Variants in NEK1 observed in about 807,000 individuals in gnomAD.
NEK1 encodes the protein serine/threonine-protein kinase Nek1.
NEK1 carries 137 observed loss-of-function variants against 182.1 expected under a neutral mutation model. That is an observed-to-expected ratio of 0.75 (90% confidence interval 0.65 to 0.87). NEK1 has a LOEUF of 0.87. Among genes scored for constraint, NEK1 ranks in the 40% least tolerant of loss-of-function variants. The probability of loss-of-function intolerance (pLI) is 0.00; values close to 1 mark genes in which losing one functional copy is unlikely to be tolerated. For missense variants in NEK1, 1,391 were observed against 1,494.4 expected (o/e 0.93, Z 1.14); for synonymous variants, 513 against 492.2 (o/e 1.04, Z -0.56).
chr4:169,518,622 T>C (rs1298306614), intron 19 of NEK1, among the ~76,000 whole-genome samples: 17 of 104,068 alleles, frequency 1.6e-4, no homozygotes, highest in African/African-American at 1.0e-3. Flanking sequence ...GGATCTTTCC[T>C]GCTTTCTCTT....
At chr4:169,547,682 T>C (rs1760745287) in intron 18 of NEK1, among the ~76,000 whole-genome samples, 1 of 152,216 alleles carries the variant, frequency 6.6e-6, no homozygotes, top group Non-Finnish European at 1.5e-5. Flanking sequence ...CTTTTCACTT[T>C]TTTCTCTAAT....
At chr4:169,548,237 G>T (rs1202266284) in intron 18 of NEK1, among the ~76,000 whole-genome samples, 1 of 152,206 alleles carries the variant, frequency 6.6e-6, no homozygotes, top group African/African-American at 2.4e-5. Context: ...CTGCAGGTCT[G>T]CTGGAATTTG....
At chr4:169,504,048 A>G (rs10026673) in intron 23 of NEK1, among the ~76,000 whole-genome samples, 210 of 152,218 alleles carry the variant, frequency 1.4e-3, no homozygotes, top group African/African-American at 4.1e-3. Context: ...TGATAATCCA[A>G]TTTAAAATGG....
rs559897387 is a variant in NEK1, at chr4:169,594,783, G to A, written c.313-3974C>T. Among the ~76,000 whole-genome samples the A allele has an allele frequency of 1.2e-4, 18 of 152,272 alleles. No individual in the cohort carries two copies. The South Asian group carries it at 3.7e-3, about 32-fold the overall frequency. ...CTAAAAAGATGCTCAGTCTTTCCTAGGTTAAGTCTGTATAGCTAAAATACT... is the reference window on the plus strand; with the variant it reads ...CTAAAAAGATGCTCAGTCTTTCCTAAGTTAAGTCTGTATAGCTAAAATACT... On this transcript the variant is annotated intron_variant, in intron 5 of 35. Transcript: ENST00000507142.
intron 10 of NEK1, among the ~76,000 whole-genome samples, chr4:169,584,145 C>T (rs950157563): frequency 2.0e-5 from 3 of 151,936 alleles, no homozygotes; most frequent in Admixed American, 2.0e-4. Context: ...ATATAGATTG[C>T]TTCAAAAATC....
intron 23 of NEK1, among the ~76,000 whole-genome samples, chr4:169,489,923 C>T (rs756404250): frequency 2.3e-4 from 35 of 152,120 alleles, no homozygotes; most frequent in Non-Finnish European, 3.8e-4. Context: ...TGAACTTGTA[C>T]TCAAGTCACA....
At chr4:169,438,026 T>G (rs1738745174) in intron 28 of NEK1, 57 bp downstream of exon 28, 1 of 1,330,414 alleles carries the variant, frequency 7.5e-7, no homozygotes, top group Non-Finnish European at 1.0e-6. Context: ...ATAAAGCTTG[T>G]GAAATTTAAG....
At chr4:169,609,435 T>G (rs1330511588) in intron 2 of NEK1, among the ~76,000 whole-genome samples, 1 of 152,218 alleles carries the variant, frequency 6.6e-6, no homozygotes, top group African/African-American at 2.4e-5. Context: ...TAGAGCAAAA[T>G]GTAATCATTC....
intron 19 of NEK1, among the ~76,000 whole-genome samples, chr4:169,530,341 G>GTGAA (rs1359535880): frequency 3.9e-5 from 6 of 152,180 alleles, no homozygotes; most frequent in Non-Finnish European, 5.9e-5. Flanking sequence ...TTACAATGGT[G>GTGAA]TGAAAGTGAC....
At chr4:169,507,183 G>GTTTTTTT in intron 22 of NEK1, 51 bp from the exon 23 acceptor site, 5 of 583,352 alleles carry the variant, frequency 8.6e-6, no homozygotes, top group Non-Finnish European at 1.0e-5. Context: ...AAGGGCAGAG[G>GTTTTTTT]TTTTTTTTTT....
At chr4:169,529,440 G>A (rs370491127) in intron 19 of NEK1, among the ~76,000 whole-genome samples, 1 of 152,078 alleles carries the variant, frequency 6.6e-6, no homozygotes. Context: ...CTTCTTCCTG[G>A]ATCATAAATC....
intron 31 of NEK1, 118 bp downstream of exon 31, chr4:169,424,435 T>C (rs1276450865): frequency 8.4e-7 from 1 of 1,190,656 alleles, no homozygotes; most frequent in East Asian, 2.7e-5. Flanking sequence ...AGGTTTTTGT[T>C]GGATGTGTGT....
chr4:169,465,448 T>C (rs1415966968), intron 26 of NEK1, among the ~76,000 whole-genome samples: 3 of 151,978 alleles, frequency 2.0e-5, no homozygotes, highest in African/African-American at 7.2e-5. Context: ...GTTTGCAAGA[T>C]AGGAGTACTG....
intron 5 of NEK1, among the ~76,000 whole-genome samples, chr4:169,597,924 A>G (rs1164678888): frequency 6.6e-6 from 1 of 151,920 alleles, no homozygotes; most frequent in Non-Finnish European, 1.5e-5. Flanking sequence ...ACAGAGTGAG[A>G]CTCCGTCTCA....
intron 27 of NEK1, among the ~76,000 whole-genome samples, chr4:169,448,246 C>A (rs902218626): frequency 6.6e-6 from 1 of 151,880 alleles, no homozygotes. Flanking sequence ...AAAATTACAA[C>A]TTTTTGAGAG....
intron 12 of NEK1, among the ~76,000 whole-genome samples, chr4:169,570,534 T>G (rs1428757600): frequency 3.8e-5 from 5 of 131,474 alleles, no homozygotes; most frequent in Non-Finnish European, 8.1e-5. Context: ...CCGGCCAGCA[T>G]ACCCGTCCGG....
chr4:169,445,861 T>TACAC (rs1740423181), intron 27 of NEK1, among the ~76,000 whole-genome samples: 1 of 132,200 alleles, frequency 7.6e-6, no homozygotes, highest in Non-Finnish European at 1.7e-5. Flanking sequence ...TATATATATA[T>TACAC]ATATACACAC....
chr4:169,468,750 C>A (rs975138970), intron 26 of NEK1, among the ~76,000 whole-genome samples: 1 of 152,006 alleles, frequency 6.6e-6, no homozygotes, highest in African/African-American at 2.4e-5. Flanking sequence ...TGGTCCTGGG[C>A]TTTTTTTGGT....
At chr4:169,496,233 T>C (rs1751248701) in intron 23 of NEK1, among the ~76,000 whole-genome samples, 1 of 152,168 alleles carries the variant, frequency 6.6e-6, no homozygotes, top group South Asian at 2.1e-4. Context: ...AGACTGCTTG[T>C]GATTTTTGCA....
Sources: allele counts gnomAD v4.1 joint callset (sites outside exome capture counted in the v4.1 genomes callset), GRCh38; gene constraint gnomAD v4.1.1; transcripts MANE v1.5; gene names NCBI Gene and HGNC (gene_info 2026-07-23, HGNC 2026-07-21).